Variants in SNAP23 observed in about 807,000 individuals in gnomAD.
SNAP23 encodes the protein synaptosomal-associated protein 23.
SNAP23 carries 11 observed loss-of-function variants against 29.0 expected under a neutral mutation model. The ratio of observed to expected loss-of-function variants is 0.38; its 90% CI spans 0.24 to 0.63. SNAP23 has a LOEUF of 0.63. Ranked by LOEUF, SNAP23 falls within the 20% of genes least tolerant of loss-of-function variation. The pLI is 0.58. For synonymous variants in SNAP23, 60 were observed against 82.9 expected (o/e 0.72, Z 1.50); for missense variants, 220 against 253.9 (o/e 0.87, Z 0.91).
rs2057580364 is a variant in SNAP23, at chr15:42,532,957, ATTTAT to A, written c.*1484_*1488del. 1 of 152,654 alleles carries A rather than the reference ATTTAT, an allele frequency of 6.6e-6. No individual in the cohort carries two copies. The highest frequency in any genetic ancestry group is 2.4e-5 in the African/African-American group (1 of 41,450). The allele number at this position is 152,654 out of a possible 1,614,324, so 9.5% of individuals were successfully genotyped here. A position where few individuals can be genotyped will look rare whatever the true frequency, so the allele number is the denominator to read the frequency against. ...TGAACATCTGATTGGTATTTGTCAC[ATTTAT>A]TTTAAAATTAGCATCTGAACACTTC... is the stretch of plus-strand genomic sequence containing the variant. On this transcript the variant is annotated 3_prime_UTR_variant, in exon 8 of 8. Transcript: ENST00000249647.
rs182893639 is a variant in SNAP23 at position 42,514,236 on chromosome 15, G to A, written c.148+789G>A. Among the ~76,000 whole-genome samples the A allele has an allele frequency of 4.6e-5, 7 of 151,560 alleles. No homozygotes were observed. The East Asian group carries it at 9.7e-4, about 21-fold the overall frequency. On this transcript the variant is annotated intron_variant, in intron 4 of 7. Transcript: ENST00000249647. ...TACTCCAGGATCCTCTACCTCCCAC[G>A]TTCAAGTGATTCTCCTGGCTCAGCC...
chr15:42,528,071 A>T (rs544054764), intron 5 of SNAP23, 191 bp from the exon 6 acceptor site: 1 of 488,604 alleles, frequency 2.0e-6, no homozygotes, highest in African/African-American at 1.9e-5. Flanking sequence ...TTTAGTGTCA[A>T]TGGGTTTACA....
At chr15:42,516,175 TG>T (rs1047634959) in intron 5 of SNAP23, among the ~76,000 whole-genome samples, 1 of 152,308 alleles carries the variant, frequency 6.6e-6, no homozygotes, top group Non-Finnish European at 1.5e-5. Flanking sequence ...AGTTTTGTTT[TG>T]TTTTTTTTCT....
chr15:42,512,832 G>A (rs2057367862), intron 2 of SNAP23, 123 bp from the exon 3 acceptor site: 4 of 683,692 alleles, frequency 5.9e-6, no homozygotes, highest in South Asian at 1.8e-5. Flanking sequence ...TTATAGGCAT[G>A]AGCCACTGTG....
Position 42,531,597 on chromosome 15 carries a change from A to G in SNAP23, c.*119A>G. 1 of 693,796 alleles carries G rather than the reference A, an allele frequency of 1.4e-6. No individual in the cohort carries two copies. Among genetic ancestry groups the G allele is most frequent in the Non-Finnish European group, 2.4e-6 (1 of 420,630 alleles). The allele number at this position is 693,796 out of a possible 1,614,324, so 43.0% of individuals were successfully genotyped here. A position where few individuals can be genotyped will look rare whatever the true frequency, so the allele number is the denominator to read the frequency against. On this transcript the variant is annotated 3_prime_UTR_variant, in exon 8 of 8. Coordinates refer to ENST00000249647, the MANE Select transcript of SNAP23 (RefSeq NM_003825.4). ...TCTTCTAATTGGGAGATAATATGGAAGAAGGGCCAGAGCAGTTACAGCCCT... is the reference window on the plus strand; with the variant it reads ...TCTTCTAATTGGGAGATAATATGGAGGAAGGGCCAGAGCAGTTACAGCCCT...
chr15:42,497,039 CTTTCTTT>C (rs914166729), intron 1 of SNAP23, among the ~76,000 whole-genome samples: 2 of 141,082 alleles, frequency 1.4e-5, no homozygotes, highest in East Asian at 2.1e-4. Context: ...TTCTTTCTTT[CTTTCTTT>C]TTTTTTTTTT....
intron 1 of SNAP23, among the ~76,000 whole-genome samples, chr15:42,503,799 G>T (rs2057295739): frequency 6.6e-6 from 1 of 152,036 alleles, no homozygotes; most frequent in South Asian, 2.1e-4. Context: ...CACTGCGCCT[G>T]GCCTGAAACC....
At chr15:42,528,871 C>T (rs538193029) in intron 6 of SNAP23, among the ~76,000 whole-genome samples, 66 of 152,346 alleles carry the variant, frequency 4.3e-4, no homozygotes, top group African/African-American at 1.5e-3. Flanking sequence ...CAGGCATAAG[C>T]TACCACACCT....
At position 42,512,973 on chromosome 15, in the gene SNAP23, AGAATC is replaced by A; in HGVS notation, c.77_81del (p.Arg26ThrfsTer6). 1 of 1,612,152 alleles carries A rather than the reference AGAATC, an allele frequency of 6.2e-7. No homozygotes were observed. The highest frequency in any genetic ancestry group is 8.5e-7 in the Non-Finnish European group (1 of 1,178,210). ...TTCCTAGTCTCTGGAAAGTACGAGG[AGAATC>A]CTGGGTTTAGCCATTGAGGTAAGAA... On this transcript the variant is annotated frameshift_variant, in exon 3 of 8. Coordinates refer to ENST00000249647, the MANE Select transcript of SNAP23 (RefSeq NM_003825.4). LOFTEE classifies it high-confidence loss of function.
chr15:42,519,995 A>C (rs1045283874), intron 5 of SNAP23, among the ~76,000 whole-genome samples: 1 of 150,958 alleles, frequency 6.6e-6, no homozygotes, highest in Non-Finnish European at 1.5e-5. Context: ...CATCCAGGCT[A>C]CACTATGTAG....
At chr15:42,529,606 T>C in intron 6 of SNAP23, 69 bp from the exon 7 acceptor site, 1 of 1,528,986 alleles carries the variant, frequency 6.5e-7, no homozygotes, top group Non-Finnish European at 8.9e-7. Flanking sequence ...CTTACTTTTG[T>C]GAAAAGTAAA....
chr15:42,519,055 CTTTTTTT>C (rs34865842), intron 5 of SNAP23, among the ~76,000 whole-genome samples: 1 of 130,742 alleles, frequency 7.6e-6, no homozygotes, highest in Non-Finnish European at 1.6e-5. Flanking sequence ...GTTTCTTCTT[CTTTTTTT>C]TTTTTTTTTT....
intron 6 of SNAP23, among the ~76,000 whole-genome samples, chr15:42,529,353 T>G (rs139745679): frequency 7.3e-4 from 111 of 151,842 alleles, no homozygotes; most frequent in African/African-American, 2.7e-3. Context: ...CACTTACAGT[T>G]TCTGATTGAG....
chr15:42,496,163 CA>C (rs1321424739), intron 1 of SNAP23, among the ~76,000 whole-genome samples: 3 of 152,060 alleles, frequency 2.0e-5, no homozygotes, highest in Admixed American at 2.0e-4. Context: ...ATTAGAGGAT[CA>C]GGAAAAGAAT....
chr15:42,491,261 G>A (rs1595507983), upstream of SNAP23: 1 of 152,522 alleles, frequency 6.6e-6, no homozygotes, highest in African/African-American at 2.4e-5. Flanking sequence ...CAAAAAGAAT[G>A]GAGGAAGAAC....
chr15:42,501,401 T>TTTTG (rs760258196), intron 1 of SNAP23, among the ~76,000 whole-genome samples: 1 of 152,138 alleles, frequency 6.6e-6, no homozygotes, highest in Non-Finnish European at 1.5e-5. Flanking sequence ...GTTTGTGTTT[T>TTTTG]TTTGTTTGTT....
At chr15:42,522,989 C>T (rs1161211758) in intron 5 of SNAP23, among the ~76,000 whole-genome samples, 3 of 151,468 alleles carry the variant, frequency 2.0e-5, no homozygotes, top group Non-Finnish European at 4.4e-5. Flanking sequence ...GGATTACAAG[C>T]GTGCGCCACC....
At chr15:42,496,774 A>C (rs149711163) in intron 1 of SNAP23, among the ~76,000 whole-genome samples, 1,530 of 152,158 alleles carry the variant, frequency 0.01, 33 homozygotes, top group African/African-American at 0.035. Context: ...AAAGGAAGGA[A>C]GTTTAATTGA....
At chr15:42,505,030 T>C (rs538973155) in intron 1 of SNAP23, 7 of 152,336 alleles carry the variant, frequency 4.6e-5, no homozygotes, top group African/African-American at 1.4e-4. Flanking sequence ...GCAAAATCCT[T>C]GTTTACCAGT....
Sources: gnomAD v4.1 joint callset for allele counts (sites outside exome capture counted in the v4.1 genomes callset) on GRCh38, gnomAD v4.1.1 for gene constraint, MANE v1.5 for transcripts, NCBI Gene and HGNC (gene_info 2026-07-23, HGNC 2026-07-21) for gene names.